SLC25A31: variants seen among roughly 807,000 people sequenced by gnomAD.
The protein encoded by SLC25A31 is solute carrier family 25 member 31.
SLC25A31 carries 40 observed loss-of-function variants against 36.2 expected under a neutral mutation model. The ratio of observed to expected loss-of-function variants is 1.10; its 90% CI spans 0.86 to 1.44. SLC25A31 has a LOEUF of 1.44. Ranked by LOEUF, SLC25A31 falls within the 40% of genes most tolerant of loss-of-function variation. SLC25A31 has a pLI of 0.00. For missense variants in SLC25A31, 350 were observed against 397.1 expected (o/e 0.88, Z 1.01); for synonymous variants, 143 against 149.7 (o/e 0.96, Z 0.32).
chr4:127,740,411 A>G (rs1731711063), intron 1 of SLC25A31, among the ~76,000 whole-genome samples: 1 of 152,088 alleles, frequency 6.6e-6, no homozygotes, highest in African/African-American at 2.4e-5. Flanking sequence ...AGCCCTATGC[A>G]TGTATGTCAG....
chr4:127,753,761 C>T (rs562887733), intron 2 of SLC25A31, among the ~76,000 whole-genome samples: 1 of 152,196 alleles, frequency 6.6e-6, no homozygotes, highest in Admixed American at 6.5e-5. Context: ...CAGTCCTCCT[C>T]ACAGTCTTCA....
chr4:127,752,627 TTACATCA>T (rs1731957054), intron 2 of SLC25A31, among the ~76,000 whole-genome samples: 1 of 151,552 alleles, frequency 6.6e-6, no homozygotes, highest in Non-Finnish European at 1.5e-5. Context: ...GTGGCTATAC[TTACATCA>T]TACAAAATAG....
At chr4:127,773,186 G>A (rs1284663215) in intron 5 of SLC25A31, among the ~76,000 whole-genome samples, 200 bp from the exon 6 acceptor site, 8 of 152,184 alleles carry the variant, frequency 5.3e-5, no homozygotes, top group East Asian at 1.9e-4. Flanking sequence ...ATTTGTTAAC[G>A]CCTAATGTAT....
chr4:127,763,468 A>C lies in SLC25A31; in HGVS notation c.361-775A>C, dbSNP rs529136649. Among the ~76,000 whole-genome samples, 7 of 152,326 alleles carry C rather than the reference A, an allele frequency of 4.6e-5. No individual in the cohort carries two copies. The East Asian group carries it at 1.3e-3, about 29-fold the overall frequency. ...AGTGGCCTCGTATCCTGGATTTTTC[A>C]TAACAGCTCCAATTCAGATACTCCT... is the stretch of plus-strand genomic sequence containing the variant. On this transcript the variant is annotated intron_variant, in intron 2 of 5. Transcript: ENST00000281154.
At chr4:127,767,648 G>A (rs3214037) in intron 4 of SLC25A31, among the ~76,000 whole-genome samples, 5,421 of 150,548 alleles carry the variant, frequency 0.036, 315 homozygotes, top group East Asian at 0.26. Flanking sequence ...AAATGCTACT[G>A]TAGCTTGGTT....
chr4:127,732,124 A>G (rs1284372521), intron 1 of SLC25A31, among the ~76,000 whole-genome samples: 1 of 152,258 alleles, frequency 6.6e-6, no homozygotes, highest in Non-Finnish European at 1.5e-5. Flanking sequence ...TGGATTCAAT[A>G]GAAAAATCTG....
At chr4:127,731,587 C>T (rs935095663) in intron 1 of SLC25A31, among the ~76,000 whole-genome samples, 2 of 152,068 alleles carry the variant, frequency 1.3e-5, no homozygotes, top group African/African-American at 4.8e-5. Context: ...CGCACGCCTG[C>T]AGTCCCAGCT....
intron 1 of SLC25A31, among the ~76,000 whole-genome samples, chr4:127,739,416 G>GC (rs933380245): frequency 6.6e-6 from 1 of 152,106 alleles, no homozygotes; most frequent in African/African-American, 2.4e-5. Context: ...CTGAAAATAG[G>GC]CCCCCAATCT....
intron 2 of SLC25A31, among the ~76,000 whole-genome samples, chr4:127,752,381 G>T (rs1393669186): frequency 1.3e-5 from 2 of 151,614 alleles, no homozygotes; most frequent in Non-Finnish European, 2.9e-5. Flanking sequence ...AGAACACATG[G>T]ACACAGGAAG....
intron 2 of SLC25A31, among the ~76,000 whole-genome samples, chr4:127,758,351 A>G (rs1363382262): frequency 6.6e-6 from 1 of 152,044 alleles, no homozygotes; most frequent in Non-Finnish European, 1.5e-5. Context: ...TTTTCTGGTC[A>G]ATTTATTTAA....
chr4:127,756,747 C>T (rs993506851), intron 2 of SLC25A31, among the ~76,000 whole-genome samples: 4 of 151,836 alleles, frequency 2.6e-5, no homozygotes, highest in East Asian at 3.9e-4. Context: ...GCCATTGTAC[C>T]GAAAAATTTT....
chr4:127,770,243 T>G (rs761264015), intron 5 of SLC25A31, among the ~76,000 whole-genome samples: 3 of 152,234 alleles, frequency 2.0e-5, no homozygotes, highest in Non-Finnish European at 4.4e-5. Context: ...ACGTAGACTA[T>G]GGATTGGGTC....
At chr4:127,733,381 C>G (rs928846708) in intron 1 of SLC25A31, among the ~76,000 whole-genome samples, 1 of 152,122 alleles carries the variant, frequency 6.6e-6, no homozygotes, top group Non-Finnish European at 1.5e-5. Context: ...ATCCAAAATG[C>G]TCTAATAAGC....
At chr4:127,731,010 C>T (rs1248324323) in intron 1 of SLC25A31, among the ~76,000 whole-genome samples, 1 of 152,194 alleles carries the variant, frequency 6.6e-6, no homozygotes, top group Non-Finnish European at 1.5e-5. Flanking sequence ...CCACTGCCTT[C>T]TCTTTCTCTA....
At position 127,773,416 on chromosome 4, in the gene SLC25A31, A is replaced by T. The variant is rs1291600106; in HGVS notation, c.790A>T (p.Thr264Ser). 6.2e-7 allele frequency: 1 copy of T among 1,613,668 alleles called. No individual in the cohort carries two copies. Among genetic ancestry groups the T allele is most frequent in the Non-Finnish European group, 8.5e-7 (1 of 1,179,968 alleles). Residue 264 changes from threonine to serine, a missense_variant, in exon 6 of 6, where the codon ACC becomes TCC. Physicochemically the swap from Thr to Ser is moderately conservative, Grantham distance 58 (BLOSUM62 1). Coordinates refer to ENST00000281154, the MANE Select transcript of SLC25A31 (RefSeq NM_031291.4). The stretch of plus-strand genomic sequence containing the variant: ...TGAGGCTAAACGGCAATATAAAGGA[A>T]CCTTAGACTGCTTTGTGAAGATATA... ...SGEAKRQYKG[T>S]LDCFVKIYQH...
chr4:127,766,963 AAGTGGG>A, intron 3 of SLC25A31, 97 bp from the exon 4 acceptor site: 3 of 987,372 alleles, frequency 3.0e-6, no homozygotes, highest in Non-Finnish European at 4.2e-6. Context: ...TTAGATTTGT[AAGTGGG>A]AATTTCAGAT....
chr4:127,770,408 C>T (rs1222322119), intron 5 of SLC25A31, among the ~76,000 whole-genome samples: 1 of 152,094 alleles, frequency 6.6e-6, no homozygotes, highest in African/African-American at 2.4e-5. Flanking sequence ...GGGTGGATCA[C>T]GAAGTCAAGA....
chr4:127,738,341 G>A (rs1170674576), intron 1 of SLC25A31, among the ~76,000 whole-genome samples: 3 of 152,164 alleles, frequency 2.0e-5, no homozygotes, highest in Admixed American at 2.0e-4. Context: ...ACCTGGCTCA[G>A]CCTCCCAAAG....
In SLC25A31 at chr4:127,764,371, T is replaced by G; in HGVS notation, c.478+11T>G. 6.3e-7 allele frequency: 1 copy of G among 1,590,402 alleles called. No homozygotes were observed. Among genetic ancestry groups the G allele is most frequent in the South Asian group, 1.1e-5 (1 of 89,526 alleles). ...TCGATATTGGAAAAGGTATGAGATT[T>G]TTAGAAATACTAACTTTTCCTTCTT... On this transcript the variant is annotated intron_variant, in intron 3 of 5. Transcript: ENST00000281154.
Sources: allele counts gnomAD v4.1 joint callset (sites outside exome capture counted in the v4.1 genomes callset), GRCh38; gene constraint gnomAD v4.1.1; transcripts MANE v1.5; gene names NCBI Gene and HGNC (gene_info 2026-07-23, HGNC 2026-07-21).